The following FRS2 variants were observed in gnomAD, a reference collection of about 807,000 sequenced individuals.
The protein encoded by FRS2 is fibroblast growth factor receptor substrate 2.
In FRS2, 8 loss-of-function variants were observed where a neutral mutation model predicts 43.9. That is an observed-to-expected ratio of 0.18 (90% CI 0.11 to 0.33). The LOEUF is 0.33. Ranked by LOEUF, FRS2 falls within the 10% of genes least tolerant of loss-of-function variation. FRS2 has a pLI of 1.00. For missense variants in FRS2, 534 were observed against 627.6 expected (o/e 0.85, Z 1.59); for synonymous variants, 219 against 220.3 (o/e 0.99, Z 0.05).
chr12:69,555,292 C>T (rs187879255), intron 3 of FRS2, among the ~76,000 whole-genome samples: 16 of 152,064 alleles, frequency 1.1e-4, no homozygotes, highest in Admixed American at 2.6e-4. Flanking sequence ...GTGATCTGCC[C>T]GCCTCAGCCT....
intron 3 of FRS2, among the ~76,000 whole-genome samples, chr12:69,538,815 C>A (rs954714611): frequency 6.6e-6 from 1 of 151,980 alleles, no homozygotes; most frequent in Admixed American, 6.6e-5. Context: ...AGTGATAATA[C>A]CCTATCTATA....
intron 1 of FRS2, among the ~76,000 whole-genome samples, chr12:69,491,281 A>C (rs2120932103): frequency 6.6e-6 from 1 of 152,112 alleles, no homozygotes; most frequent in Non-Finnish European, 1.5e-5. Context: ...TTTTTTATAA[A>C]GACGAGGTTT....
chr12:69,534,431 G>A (rs1277032020), intron 3 of FRS2, among the ~76,000 whole-genome samples: 2 of 152,150 alleles, frequency 1.3e-5, no homozygotes, highest in African/African-American at 2.4e-5. Context: ...TAACAAAAGT[G>A]CTGATCAAGT....
chr12:69,491,808 T>C (rs1872522149), intron 1 of FRS2, among the ~76,000 whole-genome samples: 1 of 152,176 alleles, frequency 6.6e-6, no homozygotes, highest in Non-Finnish European at 1.5e-5. Flanking sequence ...GGGCTATGTT[T>C]GACTTTTAAA....
chr12:69,477,429 C>A (rs1028777591), intron 1 of FRS2, among the ~76,000 whole-genome samples: 4 of 151,694 alleles, frequency 2.6e-5, no homozygotes, highest in Non-Finnish European at 5.9e-5. Context: ...ACTACAGGCG[C>A]CCGCCAACAC....
intron 4 of FRS2, among the ~76,000 whole-genome samples, chr12:69,564,084 A>G (rs1035446098): frequency 6.6e-6 from 1 of 151,984 alleles, no homozygotes; most frequent in Admixed American, 6.6e-5. Flanking sequence ...AGCCCTCTCT[A>G]TTCTTTATTT....
chr12:69,563,954 T>A (rs570736773), intron 4 of FRS2, among the ~76,000 whole-genome samples: 5 of 152,304 alleles, frequency 3.3e-5, no homozygotes, highest in African/African-American at 9.6e-5. Flanking sequence ...TTCTCTTTTC[T>A]TTGTTTTTCC....
At chr12:69,547,234 C>T (rs371331567) in intron 3 of FRS2, among the ~76,000 whole-genome samples, 3 of 152,020 alleles carry the variant, frequency 2.0e-5, no homozygotes, top group Admixed American at 1.3e-4. Context: ...GTTTAACGGC[C>T]GTGGAGTTTC....
At chr12:69,553,578 T>G (rs1409472117) in intron 3 of FRS2, among the ~76,000 whole-genome samples, 1 of 152,174 alleles carries the variant, frequency 6.6e-6, no homozygotes, top group Admixed American at 6.5e-5. Flanking sequence ...AACGTATTTT[T>G]CCTTGAAAGT....
rs964732154 is a variant in FRS2, at chr12:69,579,504, A to T, written c.*4549A>T. 6.5e-6 allele frequency: 1 copy of T among 152,686 alleles called. No homozygotes were observed. Among genetic ancestry groups the T allele is most frequent in the African/African-American group, 2.4e-5 (1 of 41,462 alleles). The allele number at this position is 152,686 out of a possible 1,614,324, so 9.5% of individuals were successfully genotyped here. On this transcript the variant is annotated 3_prime_UTR_variant, in exon 9 of 9. Coordinates refer to ENST00000549921, the MANE Select transcript of FRS2 (RefSeq NM_001278356.2). ...ACATTTTTAAATCCTTATTTATTGT[A>T]GAGTATTAGTATACTGTCCTACAAA... is the stretch of plus-strand genomic sequence containing the variant.
intron 4 of FRS2, among the ~76,000 whole-genome samples, chr12:69,568,476 C>T (rs1360573609): frequency 6.6e-6 from 1 of 151,934 alleles, no homozygotes; most frequent in Non-Finnish European, 1.5e-5. Flanking sequence ...CACTTGAGCC[C>T]AGGAGTTTGA....
chr12:69,471,449 A>G (rs971750898), intron 1 of FRS2, among the ~76,000 whole-genome samples: 2 of 152,144 alleles, frequency 1.3e-5, no homozygotes, highest in African/African-American at 2.4e-5. Context: ...CTTAAGGAAA[A>G]ATTGTTCTTG....
In FRS2 at chr12:69,573,908, T is replaced by G. The variant is rs577684622; in HGVS notation, c.577-97T>G. 5.9e-5 allele frequency: 44 copies of G among 745,110 alleles called. No individual in the cohort carries two copies. In the East Asian group the frequency reaches 9.6e-4, roughly 16 times the overall value. The allele number at this position is 745,110 out of a possible 1,614,324, so 46.2% of individuals were successfully genotyped here. A position where few individuals can be genotyped will look rare whatever the true frequency, so the allele number is the denominator to read the frequency against. On this transcript the variant is annotated intron_variant, in intron 8 of 8. Coordinates refer to ENST00000549921, the MANE Select transcript of FRS2 (RefSeq NM_001278356.2). The stretch of plus-strand genomic sequence containing the variant: ...ACATTTGGAGAGAAAGTTAATACAG[T>G]TAACTGTTGTCAATAAAATTAACTG...
At chr12:69,556,870 T>C (rs1879401378) in intron 3 of FRS2, among the ~76,000 whole-genome samples, 2 of 152,216 alleles carry the variant, frequency 1.3e-5, no homozygotes, top group East Asian at 3.8e-4. Flanking sequence ...CTATTAGGTA[T>C]ACCATATTAA....
At chr12:69,568,050 C>G (rs1475080833) in intron 4 of FRS2, among the ~76,000 whole-genome samples, 4 of 152,220 alleles carry the variant, frequency 2.6e-5, no homozygotes, top group African/African-American at 9.6e-5. Context: ...CATATTCTAT[C>G]TGATTATTTC....
At chr12:69,537,562 G>T (rs1341554378) in intron 3 of FRS2, among the ~76,000 whole-genome samples, 3 of 151,856 alleles carry the variant, frequency 2.0e-5, no homozygotes, top group Admixed American at 6.6e-5. Context: ...CCCTTCCTTT[G>T]TAAGTAATAA....
intron 1 of FRS2, among the ~76,000 whole-genome samples, chr12:69,513,609 AAC>A (rs1384038064): frequency 6.6e-6 from 1 of 152,230 alleles, no homozygotes; most frequent in African/African-American, 2.4e-5. Context: ...GCACTATTTT[AAC>A]AGAGAATTGA....
At chr12:69,492,015 A>G (rs184260724) in intron 1 of FRS2, among the ~76,000 whole-genome samples, 4 of 152,190 alleles carry the variant, frequency 2.6e-5, no homozygotes, top group African/African-American at 7.2e-5. Flanking sequence ...TAGTTTGGTT[A>G]TATGCTGTTT....
chr12:69,557,619 T>TGTGTGTGTGCGCGCGCGCGCGCGC (rs1555192498), intron 3 of FRS2, among the ~76,000 whole-genome samples: 1 of 118,966 alleles, frequency 8.4e-6, no homozygotes, highest in African/African-American at 2.8e-5. Context: ...TGTGTGTGTG[T>TGTGTGTGTGCGCGCGCGCGCGCGC]GCGCGCGCGC....
Sources: allele counts gnomAD v4.1 joint callset (sites outside exome capture counted in the v4.1 genomes callset), GRCh38; gene constraint gnomAD v4.1.1; transcripts MANE v1.5; gene names NCBI Gene and HGNC (gene_info 2026-07-23, HGNC 2026-07-21).